Variants in KCNAB1 observed in about 807,000 individuals in gnomAD.
KCNAB1 encodes the protein potassium voltage-gated channel subfamily A regulatory beta subunit 1.
A neutral mutation model predicts 64.6 loss-of-function variants in KCNAB1; 35 were observed. That is an observed-to-expected ratio of 0.54 (90% CI 0.41 to 0.72). The LOEUF is 0.72. Among genes scored for constraint, KCNAB1 ranks in the 30% least tolerant of loss-of-function variants. The pLI is 0.00. For missense variants in KCNAB1, 401 were observed against 512.9 expected, an observed-to-expected ratio of 0.78 and a Z score of 2.11; for synonymous variants, 177 against 183.8, an observed-to-expected ratio of 0.96 and a Z score of 0.30.
intron 8 of KCNAB1, among the ~76,000 whole-genome samples, chr3:156,505,960 C>G (rs1716809625): frequency 6.6e-6 from 1 of 152,168 alleles, no homozygotes; most frequent in Non-Finnish European, 1.5e-5. Context: ...ATGAGGGATC[C>G]ACTTGATGAT....
At chr3:156,531,545 T>C (rs774496419) in intron 13 of KCNAB1, 48 bp downstream of exon 13, 4 of 1,337,606 alleles carry the variant, frequency 3.0e-6, no homozygotes, top group Non-Finnish European at 4.3e-6. Flanking sequence ...ATGGTGCCTT[T>C]GAGGCTATCT....
At position 156,257,211 on chromosome 3, in the gene KCNAB1, A is replaced by G. The variant is rs1165887610; in HGVS notation, c.275+136325A>G. Among the ~76,000 whole-genome samples, 5 of 152,124 alleles carry G rather than the reference A, an allele frequency of 3.3e-5. No individual in the cohort carries two copies. In the East Asian group the frequency reaches 9.6e-4, roughly 29 times the overall value. On this transcript the variant is annotated intron_variant, in intron 1 of 13. Coordinates refer to ENST00000490337, the MANE Select transcript of KCNAB1 (RefSeq NM_172160.3). ...ATCAGACACACCTGGAGTGTCCTAGATTTGGTTTTGTTTTTAAATCTCCTT... is the reference window on the plus strand; with the variant it reads ...ATCAGACACACCTGGAGTGTCCTAGGTTTGGTTTTGTTTTTAAATCTCCTT...
chr3:156,241,616 A>C (rs1405614532), intron 1 of KCNAB1, among the ~76,000 whole-genome samples: 2 of 152,142 alleles, frequency 1.3e-5, no homozygotes, highest in Non-Finnish European at 2.9e-5. Flanking sequence ...CTCTTGGGTA[A>C]TGCTGCTCCC....
In KCNAB1 at chr3:156,523,904, A is replaced by G; in HGVS notation, c.1038A>G (p.Pro346=). The change falls in exon 12 of 14, where the codon CCA becomes CCG. Residue 346 remains proline (P), a synonymous_variant. Coordinates refer to ENST00000490337, the MANE Select transcript of KCNAB1 (RefSeq NM_172160.3). ...KQQNKLKDLS[P]IAERLGCTLP... ...AAAACAAGCTAAAAGACCTTTCCCCAATTGCGGAGCGTCTGGGATGCACAC... is the reference window on the plus strand; with the variant it reads ...AAAACAAGCTAAAAGACCTTTCCCCGATTGCGGAGCGTCTGGGATGCACAC... 1 of 1,614,092 alleles carries G rather than the reference A, an allele frequency of 6.2e-7. No individual in the cohort carries two copies. Among genetic ancestry groups the G allele is most frequent in the East Asian group, 2.2e-5 (1 of 44,884 alleles).
At chr3:156,331,327 A>G (rs978479926) in intron 1 of KCNAB1, among the ~76,000 whole-genome samples, 1 of 152,226 alleles carries the variant, frequency 6.6e-6, no homozygotes, top group East Asian at 1.9e-4. Context: ...AAGAATGGAA[A>G]AAATCAGGGG....
At chr3:156,498,285 A>G (rs1449330125) in intron 8 of KCNAB1, among the ~76,000 whole-genome samples, 4 of 152,180 alleles carry the variant, frequency 2.6e-5, no homozygotes, top group Admixed American at 2.6e-4. Context: ...CATCTTGCTT[A>G]TGCCTGGATA....
At chr3:156,157,657 A>G (rs1715801328) in intron 1 of KCNAB1, among the ~76,000 whole-genome samples, 1 of 152,228 alleles carries the variant, frequency 6.6e-6, no homozygotes, top group African/African-American at 2.4e-5. Context: ...ATGCATGTGT[A>G]GAATGTTCCA....
chr3:156,517,920 G>A (rs1315747820), intron 11 of KCNAB1, among the ~76,000 whole-genome samples: 1 of 152,168 alleles, frequency 6.6e-6, no homozygotes, highest in African/African-American at 2.4e-5. Flanking sequence ...TAGAACCCAG[G>A]TCTCCTGGCT....
chr3:156,471,450 TCTC>T (rs1394783887), intron 7 of KCNAB1, among the ~76,000 whole-genome samples: 1 of 152,220 alleles, frequency 6.6e-6, no homozygotes, highest in Non-Finnish European at 1.5e-5. Flanking sequence ...CTTCTAATTA[TCTC>T]CTCAAGGTCA....
chr3:156,137,151 G>A (rs1276618528), intron 1 of KCNAB1, among the ~76,000 whole-genome samples: 2 of 149,684 alleles, frequency 1.3e-5, no homozygotes, highest in African/African-American at 5.0e-5. Context: ...GTACCAAATA[G>A]TTATTTTTTC....
chr3:156,401,282 C>A (rs920701155), intron 1 of KCNAB1, among the ~76,000 whole-genome samples: 2 of 152,216 alleles, frequency 1.3e-5, no homozygotes, highest in Non-Finnish European at 2.9e-5. Flanking sequence ...TTTATACATA[C>A]GTGTATGTGC....
intron 1 of KCNAB1, among the ~76,000 whole-genome samples, chr3:156,188,641 A>G (rs1294582026): frequency 6.6e-6 from 1 of 152,242 alleles, no homozygotes; most frequent in Non-Finnish European, 1.5e-5. Context: ...TAATTTCAAT[A>G]TACATTAAAA....
chr3:156,521,003 T>C (rs1717907976), intron 11 of KCNAB1, among the ~76,000 whole-genome samples: 1 of 152,164 alleles, frequency 6.6e-6, no homozygotes, highest in African/African-American at 2.4e-5. Context: ...TCAATACCTA[T>C]GAAATAGGGA....
chr3:156,421,778 C>A (rs1715479442), intron 2 of KCNAB1, 119 bp downstream of exon 2: 1 of 756,902 alleles, frequency 1.3e-6, no homozygotes, highest in Non-Finnish European at 2.2e-6. Flanking sequence ...GGCTTCCTGG[C>A]CAGTATTGCC....
intron 1 of KCNAB1, among the ~76,000 whole-genome samples, chr3:156,147,420 A>G (rs1489048608): frequency 6.6e-6 from 1 of 152,240 alleles, no homozygotes; most frequent in East Asian, 1.9e-4. Flanking sequence ...ATCAAATAAT[A>G]ACTCAGTAAA....
At position 156,538,288 on chromosome 3, in the gene KCNAB1, TA is replaced by T. The variant is rs1287400713; in HGVS notation, c.*1542del. 2 of 103,618 alleles carry T rather than the reference TA, an allele frequency of 1.9e-5. No homozygotes were observed. The highest frequency in any genetic ancestry group is 3.9e-5 in the African/African-American group (1 of 25,678). 6.4% of individuals were successfully genotyped at this position (103,618 alleles called of 1,614,324 possible). A position where few individuals can be genotyped will look rare whatever the true frequency, so the allele number is the denominator to read the frequency against. ...TCTGAGGTTTACAGAAGAACTGTAA[TA>T]TTATTTTAAAATGCGATTTTTCTGT... On this transcript the variant is annotated 3_prime_UTR_variant, in exon 14 of 14. Coordinates refer to ENST00000490337, the MANE Select transcript of KCNAB1 (RefSeq NM_172160.3).
chr3:156,294,136 T>G (rs527570679), intron 1 of KCNAB1, among the ~76,000 whole-genome samples: 1 of 152,244 alleles, frequency 6.6e-6, no homozygotes, highest in Non-Finnish European at 1.5e-5. Flanking sequence ...AAGGTTTTTC[T>G]GGTGGCACAG....
At chr3:156,421,240 G>A (rs1715446294) in intron 1 of KCNAB1, among the ~76,000 whole-genome samples, 1 of 152,206 alleles carries the variant, frequency 6.6e-6, no homozygotes. Flanking sequence ...GTAGTGAGAA[G>A]TGGTCAGTTG....
chr3:156,438,066 T>C (rs1576865321), intron 2 of KCNAB1, among the ~76,000 whole-genome samples: 1 of 152,336 alleles, frequency 6.6e-6, no homozygotes, highest in East Asian at 1.9e-4. Context: ...TCTATTGCTT[T>C]GGAGCAATAC....
Sources: gnomAD v4.1 joint callset for allele counts (sites outside exome capture counted in the v4.1 genomes callset) on GRCh38, gnomAD v4.1.1 for gene constraint, MANE v1.5 for transcripts, NCBI Gene and HGNC (gene_info 2026-07-23, HGNC 2026-07-21) for gene names.